Variants in SZT2 observed in about 807,000 individuals in gnomAD.
The protein encoded by SZT2 is KICSTOR complex protein SZT2.
In SZT2, 216 loss-of-function variants were observed where a neutral mutation model predicts 404.2. The ratio of observed to expected loss-of-function variants is 0.53; its 90% CI spans 0.48 to 0.60. SZT2 has a LOEUF of 0.60. Among genes scored for constraint, SZT2 ranks in the 20% least tolerant of loss-of-function variants. SZT2 has a pLI of 0.00. For missense variants in SZT2, 3,857 were observed against 4,459.2 expected (o/e 0.86, Z 3.85); for synonymous variants, 1,693 against 1,749.9 (o/e 0.97, Z 0.81).
At chr1:43,432,955 C>G (rs369034029) in intron 39 of SZT2, 34 bp from the exon 40 acceptor site, 28 of 1,610,140 alleles carry the variant, frequency 1.7e-5, no homozygotes, top group Middle Eastern at 1.7e-4. Context: ...GGCCCAGCTT[C>G]GGATGGGATT....
chr1:43,396,593 A>G (rs1052960912), intron 1 of SZT2, among the ~76,000 whole-genome samples: 1 of 152,242 alleles, frequency 6.6e-6, no homozygotes, highest in African/African-American at 2.4e-5. Flanking sequence ...ACACTTTGTT[A>G]TTACTAATCT....
Position 43,429,687 on chromosome 1 carries a change from T to TA in SZT2, c.4167-15dup. 1 of 1,614,158 alleles carries TA rather than the reference T, an allele frequency of 6.2e-7. No homozygotes were observed. Among genetic ancestry groups the TA allele is most frequent in the South Asian group, 1.1e-5 (1 of 91,082 alleles). On this transcript the variant is annotated splice_polypyrimidine_tract_variant and intron_variant, in intron 28 of 71. Coordinates refer to ENST00000634258, the MANE Select transcript of SZT2 (RefSeq NM_001365999.1). ...ATGGTTCTTAACACTTCAACATCCT[T>TA]ACCCCAACCATTCAGCATAGAGACC... is the stretch of plus-strand genomic sequence containing the variant.
Position 43,422,023 on chromosome 1 carries a change from T to C in SZT2, c.1627-60T>C, listed in dbSNP as rs563192132. The C allele has an allele frequency of 9.7e-4, 1,490 of 1,532,130 alleles. 1 individual carries two copies. The highest frequency in any genetic ancestry group is 1.2e-3 in the Non-Finnish European group (1,418 of 1,135,860). 94.9% of individuals were successfully genotyped at this position (1,532,130 alleles called of 1,614,324 possible). On this transcript the variant is annotated intron_variant, in intron 11 of 71. Transcript: ENST00000634258. ...TCCACCCATGGTTTTGTTTGCTCTT[T>C]GGAGTTTGTACCCTGGTCCTCTGCA... is the stretch of plus-strand genomic sequence containing the variant.
rs1653399743 is a variant in SZT2, at chr1:43,428,083, T to C, written c.3884T>C (p.Leu1295Pro). Reference protein sequence around the residue: ...RYKEAANHCALLQEHAQRCYV... With the variant: ...RYKEAANHCAPLQEHAQRCYV... ...AAGGAGGCAGCTAACCACTGTGCCC[T>C]GCTGCAGGAGCATGCACAGCGGTGC... The change falls in exon 27 of 72, where the codon CTG becomes CCG. Residue 1295 changes from leucine to proline, a missense_variant. By Grantham distance (98) the Leu-to-Pro change is moderately conservative. Coordinates refer to ENST00000634258, the MANE Select transcript of SZT2 (RefSeq NM_001365999.1). 6.2e-7 allele frequency: 1 copy of C among 1,614,050 alleles called. No homozygotes were observed. Among genetic ancestry groups the C allele is most frequent in the Admixed American group, 1.7e-5 (1 of 60,010 alleles).
In SZT2 at chr1:43,452,146, C is replaced by A; in HGVS notation, c.*1666C>A. 6.6e-7 allele frequency: 1 copy of A among 1,512,280 alleles called. No individual in the cohort carries two copies. Among genetic ancestry groups the A allele is most frequent in the East Asian group, 2.3e-5 (1 of 43,380 alleles). 93.7% of individuals were successfully genotyped at this position (1,512,280 alleles called of 1,614,324 possible). A position where few individuals can be genotyped will look rare whatever the true frequency, so the allele number is the denominator to read the frequency against. ...CTCACGTGCTGTCCCCACTGTGCAC[C>A]CCCTTCTCCGCACACCCACAGAGAC... On this transcript the variant is annotated 3_prime_UTR_variant, in exon 72 of 72. Transcript: ENST00000634258.
intron 1 of SZT2, 104 bp from the exon 2 acceptor site, chr1:43,403,073 C>A (rs1649873642): frequency 7.9e-7 from 1 of 1,259,262 alleles, no homozygotes; most frequent in Non-Finnish European, 1.1e-6. Context: ...TTTTCCCTCT[C>A]ATTGATGGTG....
chr1:43,446,243 T>C lies in SZT2; in HGVS notation c.8981T>C (p.Met2994Thr), dbSNP rs1428880494. The C allele has an allele frequency of 1.2e-6, 2 of 1,614,244 alleles. No individual in the cohort carries two copies. Among genetic ancestry groups the C allele is most frequent in the Non-Finnish European group, 1.7e-6 (2 of 1,180,048 alleles). The change falls in exon 64 of 72, where the codon ATG becomes ACG. Residue 2994 changes from methionine (M) to threonine (T), a missense_variant. Physicochemically the swap from Met to Thr is moderately conservative, Grantham distance 81. Coordinates refer to ENST00000634258, the MANE Select transcript of SZT2 (RefSeq NM_001365999.1). ...GCACTGCCTGGGGGCATCATCCTCA[T>C]GGAACTGGCATTCCAGGTAAGCAGG... The part of the protein sequence containing the change: ...QRALPGGIIL[M>T]ELAFQGCYFC...
chr1:43,434,435 C>T lies in SZT2; in HGVS notation c.5854C>T (p.Gln1952Ter), dbSNP rs761496842. The T allele has an allele frequency of 6.3e-7, 1 of 1,599,652 alleles. No individual in the cohort carries two copies. The highest frequency in any genetic ancestry group is 8.5e-7 in the Non-Finnish European group (1 of 1,174,754). ...GGPGTECRHL[Q>*]QLLVRRVGEI... is the part of the protein sequence containing the mutation. ...GCCGGGCACTGAGTGTCGCCACCTGCAGCAGCTCCTGGTGAGGCGAGTTGG... is the reference window on the plus strand; with the variant it reads ...GCCGGGCACTGAGTGTCGCCACCTGTAGCAGCTCCTGGTGAGGCGAGTTGG... The change falls in exon 41 of 72, where the codon CAG (glutamine) becomes TAG (stop). Residue 1952 changes from glutamine (Q) to a stop codon, truncating the protein, a stop_gained. Coordinates refer to ENST00000634258, the MANE Select transcript of SZT2 (RefSeq NM_001365999.1). LOFTEE classifies it high-confidence loss of function.
At position 43,450,632 on chromosome 1, in the gene SZT2, C is replaced by A; in HGVS notation, c.*152C>A. 8.3e-7 allele frequency: 1 copy of A among 1,206,390 alleles called. No individual in the cohort carries two copies. The highest frequency in any genetic ancestry group is 1.2e-6 in the Non-Finnish European group (1 of 866,018). 74.7% of individuals were successfully genotyped at this position (1,206,390 alleles called of 1,614,324 possible). A position where few individuals can be genotyped will look rare whatever the true frequency, so the allele number is the denominator to read the frequency against. The stretch of plus-strand genomic sequence containing the variant: ...GGCTTTGTAACTATGTCTTGAGGGT[C>A]TGCTGCCCCAGCCTGGCAGCAGGAA... On this transcript the variant is annotated 3_prime_UTR_variant, in exon 72 of 72. Coordinates refer to ENST00000634258, the MANE Select transcript of SZT2 (RefSeq NM_001365999.1). This position sits in a 1 kb window ranked among gnomAD's most constrained non-coding sequence, Gnocchi z 4.3.
rs763538383 is a variant in SZT2 at position 43,451,612 on chromosome 1, T to C, written c.*1132T>C. On this transcript the variant is annotated 3_prime_UTR_variant, in exon 72 of 72. Transcript: ENST00000634258. Reference sequence around the variant, plus strand: ...AGGGCCTGAAGGACAGATGTGGGGATTGAAAGGGTGGGAGGGCAAAGGAAG... The same window carrying C: ...AGGGCCTGAAGGACAGATGTGGGGACTGAAAGGGTGGGAGGGCAAAGGAAG... The C allele has an allele frequency of 1.7e-5, 27 of 1,613,572 alleles. No homozygotes were observed. In the East Asian group the frequency reaches 1.8e-4, roughly 11 times the overall value.
In SZT2 at chr1:43,439,139, C is replaced by G. The variant is rs1264986153; in HGVS notation, c.6792+46C>G. 5 of 1,611,244 alleles carry G rather than the reference C, an allele frequency of 3.1e-6. No individual in the cohort carries two copies. Among genetic ancestry groups the G allele is most frequent in the Non-Finnish European group, 2.5e-6 (3 of 1,178,220 alleles). On this transcript the variant is annotated intron_variant, in intron 48 of 71. Coordinates refer to ENST00000634258, the MANE Select transcript of SZT2 (RefSeq NM_001365999.1). This position sits in a 1 kb window ranked among gnomAD's most constrained non-coding sequence, Gnocchi z 4.2. ...CTCCACACTCATGTGCACCCCTGCC[C>G]CCTGCCCCACGCACTTACTCTTTCC...
At chr1:43,395,485 A>G (rs1224899731) in intron 1 of SZT2, among the ~76,000 whole-genome samples, 1 of 152,160 alleles carries the variant, frequency 6.6e-6, no homozygotes. Flanking sequence ...TTTTTTGTAG[A>G]GACAGGGTTT....
At chr1:43,432,699 G>A in intron 38 of SZT2, 29 bp from the exon 39 acceptor site, 1 of 1,613,786 alleles carries the variant, frequency 6.2e-7, no homozygotes, top group Non-Finnish European at 8.5e-7. Context: ...GATTGAGAGA[G>A]GCTCCAGGCA....
Position 43,432,366 on chromosome 1 carries a change from C to T in SZT2, c.5369C>T (p.Ser1790Phe), listed in dbSNP as rs1356794164. 2 of 1,606,092 alleles carry T rather than the reference C, an allele frequency of 1.2e-6. No individual in the cohort carries two copies. The highest frequency in any genetic ancestry group is 1.1e-5 in the South Asian group (1 of 89,822). ...FVAAGQQPGGSHGEPSSAAWA... is the reference protein window; with the variant it reads ...FVAAGQQPGGFHGEPSSAAWA... ...GCAGCTGGCCAACAGCCAGGTGGGT[C>T]CCATGGGGAGCCTTCTTCAGCGGCC... The change falls in exon 37 of 72, where the codon TCC becomes TTC. Residue 1790 changes from serine to phenylalanine, a missense_variant. Coordinates refer to ENST00000634258, the MANE Select transcript of SZT2 (RefSeq NM_001365999.1).
Position 43,450,331 on chromosome 1 carries a change from C to G in SZT2, c.10156-6C>G, listed in dbSNP as rs1557609761. The stretch of plus-strand genomic sequence containing the variant: ...CACCAGTGCATCCCCACCGTGTTCC[C>G]CACAGTCTCTGACAGTGGTTTTCCG... On this transcript the variant is annotated splice_polypyrimidine_tract_variant and splice_region_variant and intron_variant, in intron 71 of 71. Transcript: ENST00000634258. The surrounding 1 kb of genome is among the most constrained non-coding windows in gnomAD (Gnocchi z 4.3). 1 of 1,613,996 alleles carries G rather than the reference C, an allele frequency of 6.2e-7. No homozygotes were observed. Among genetic ancestry groups the G allele is most frequent in the Admixed American group, 1.7e-5 (1 of 60,008 alleles).
rs1656746917 is a variant in SZT2, at chr1:43,453,829, T to G, written c.*3349T>G. On this transcript the variant is annotated 3_prime_UTR_variant, in exon 72 of 72. Coordinates refer to ENST00000634258, the MANE Select transcript of SZT2 (RefSeq NM_001365999.1). The stretch of plus-strand genomic sequence containing the variant: ...GCCGGGCCGGGCGGAGTCCGCGGGA[T>G]CCAAAGGCGGCGGGCGGCGGGCGGC... 1.7e-6 allele frequency: 2 copies of G among 1,209,652 alleles called. No individual in the cohort carries two copies. Among genetic ancestry groups the G allele is most frequent in the Non-Finnish European group, 2.1e-6 (2 of 975,574 alleles). The allele number at this position is 1,209,652 out of a possible 1,614,324, so 74.9% of individuals were successfully genotyped here.
Position 43,401,695 on chromosome 1 carries a change from A to G in SZT2, c.28-1482A>G, listed in dbSNP as rs1435939251. On this transcript the variant is annotated intron_variant, in intron 1 of 71. Transcript: ENST00000634258. Reference sequence around the variant, plus strand: ...GAGACGGGGTTTCACCATGTTGGCCAGGCTGGTCTCGAACTCCTGACCTCA... The same window carrying G: ...GAGACGGGGTTTCACCATGTTGGCCGGGCTGGTCTCGAACTCCTGACCTCA... Among the ~76,000 whole-genome samples, 3 of 152,290 alleles carry G rather than the reference A, an allele frequency of 2.0e-5. No homozygotes were observed. In the East Asian group the frequency reaches 5.8e-4, roughly 29 times the overall value.
intron 1 of SZT2, 123 bp downstream of exon 1, chr1:43,390,118 C>T (rs1416169778): frequency 2.4e-5 from 28 of 1,179,136 alleles, no homozygotes; most frequent in South Asian, 4.3e-5. Flanking sequence ...CGGCAGGGAC[C>T]AGCCCAGCCC....
At chr1:43,415,320 T>TG in intron 5 of SZT2, 107 bp downstream of exon 5, 1 of 1,387,940 alleles carries the variant, frequency 7.2e-7, no homozygotes, top group Non-Finnish European at 9.7e-7. Context: ...GGCTAAGAGC[T>TG]GGGGCAAAAT....
Sources: allele counts gnomAD v4.1 joint callset (sites outside exome capture counted in the v4.1 genomes callset), GRCh38; gene constraint gnomAD v4.1.1; non-coding constraint Gnocchi (gnomAD v3.1); transcripts MANE v1.5; gene names NCBI Gene and HGNC (gene_info 2026-07-23, HGNC 2026-07-21).